Variants in TRAPPC9 observed in about 807,000 individuals in gnomAD.
The protein encoded by TRAPPC9 is trafficking protein particle complex subunit 9.
In TRAPPC9, 83 loss-of-function variants were observed where a neutral mutation model predicts 124.0. The observed-to-expected ratio is 0.67, with a 90% confidence interval of 0.56 to 0.80. The LOEUF (loss-of-function observed/expected upper bound fraction) is 0.80. TRAPPC9 is among the 30% of genes least tolerant of loss of function. The pLI, the probability that TRAPPC9 is intolerant of heterozygous loss-of-function variation, is 0.00. For synonymous variants in TRAPPC9, 638 were observed against 617.5 expected, an observed-to-expected ratio of 1.03 and a Z score of -0.49; for missense variants, 1,302 against 1,508.3, an observed-to-expected ratio of 0.86 and a Z score of 2.27.
chr8:140,111,327 A>G (rs1433057987), intron 17 of TRAPPC9, among the ~76,000 whole-genome samples: 5 of 152,152 alleles, frequency 3.3e-5, no homozygotes, highest in African/African-American at 1.2e-4. Context: ...CAAGACACCC[A>G]TCCAGACTCT....
chr8:140,351,768 T>C (rs2067586668), intron 9 of TRAPPC9, among the ~76,000 whole-genome samples: 1 of 152,198 alleles, frequency 6.6e-6, no homozygotes, highest in Admixed American at 6.5e-5. Context: ...GGGATGACTG[T>C]GCTTCCCATC....
chr8:140,143,791 T>C (rs1013269118), intron 17 of TRAPPC9, among the ~76,000 whole-genome samples: 1 of 152,246 alleles, frequency 6.6e-6, no homozygotes, highest in Non-Finnish European at 1.5e-5. Context: ...TCTGATTTTC[T>C]TCCACTGATT....
chr8:140,390,887 G>A (rs1052332437), intron 7 of TRAPPC9, among the ~76,000 whole-genome samples: 3 of 152,188 alleles, frequency 2.0e-5, no homozygotes, highest in East Asian at 3.9e-4. Context: ...TGAAAGCCAC[G>A]CACCCTGCTG....
intron 21 of TRAPPC9, among the ~76,000 whole-genome samples, chr8:139,765,810 G>A (rs1820548418): frequency 6.6e-6 from 1 of 152,160 alleles, no homozygotes; most frequent in African/African-American, 2.4e-5. Flanking sequence ...GTATAACCCA[G>A]GAGAGCTCTT....
intron 21 of TRAPPC9, among the ~76,000 whole-genome samples, chr8:139,883,387 C>T (rs1370448860): frequency 1.3e-5 from 2 of 152,210 alleles, no homozygotes; most frequent in Non-Finnish European, 2.9e-5. Flanking sequence ...TGAACTAGTA[C>T]AAAGAGGAAG....
intron 17 of TRAPPC9, among the ~76,000 whole-genome samples, chr8:140,119,771 TG>T (rs1563775392): frequency 6.6e-6 from 1 of 152,212 alleles, no homozygotes; most frequent in African/African-American, 2.4e-5. Context: ...CCTCATACCA[TG>T]GGGTCTCTCA....
intron 9 of TRAPPC9, among the ~76,000 whole-genome samples, chr8:140,350,021 C>A (rs1170730947): frequency 1.3e-5 from 2 of 152,186 alleles, no homozygotes; most frequent in African/African-American, 4.8e-5. Context: ...CTAAAAACGT[C>A]TTCACAATCA....
Position 140,430,019 on chromosome 8 carries a change from C to T in TRAPPC9, c.860-3378G>A, listed in dbSNP as rs189605362. Among the ~76,000 whole-genome samples the T allele has an allele frequency of 5.9e-4, 89 of 151,148 alleles. No homozygotes were observed. The East Asian group carries it at 0.016, about 27-fold the overall frequency. ...AAAATTAGCTGGGCGAGGTGGCAGG[C>T]GCCTGTAATCCCAGCTACTTGGGAG... On this transcript the variant is annotated intron_variant, in intron 4 of 22. Coordinates refer to ENST00000438773, the MANE Select transcript of TRAPPC9 (RefSeq NM_001160372.4).
chr8:139,753,633 CCT>C (rs144854480), intron 21 of TRAPPC9, among the ~76,000 whole-genome samples: 349 of 152,322 alleles, frequency 2.3e-3, no homozygotes, highest in African/African-American at 8.2e-3. Flanking sequence ...TCTATGCTCC[CCT>C]GAGGCCTTGA....
intron 21 of TRAPPC9, among the ~76,000 whole-genome samples, chr8:139,857,838 C>G (rs920902368): frequency 6.6e-6 from 1 of 152,246 alleles, no homozygotes; most frequent in Non-Finnish European, 1.5e-5. Flanking sequence ...GGTGGCCTGG[C>G]CAGGGACCCT....
intron 21 of TRAPPC9, among the ~76,000 whole-genome samples, chr8:139,795,022 C>T (rs1005332906): frequency 2.6e-5 from 4 of 152,216 alleles, no homozygotes; most frequent in Admixed American, 6.5e-5. Flanking sequence ...GCACTTACTA[C>T]GTCCCAGTTA....
In TRAPPC9 at chr8:140,379,236, G is replaced by A. The variant is rs111388824; in HGVS notation, c.1135-8056C>T. Among the ~76,000 whole-genome samples, 144 of 152,228 alleles carry A rather than the reference G, an allele frequency of 9.5e-4. 2 individuals are homozygous for A. The highest frequency in any genetic ancestry group is 3.4e-3 in the African/African-American group (140 of 41,552). On this transcript the variant is annotated intron_variant, in intron 7 of 22. Coordinates refer to ENST00000438773, the MANE Select transcript of TRAPPC9 (RefSeq NM_001160372.4). ...TGTCCGAGGCAGGCCTGGCACTCAC[G>A]TTGCTCTCCTTTCCCTAGTGGAGGT...
At chr8:140,254,772 A>G (rs2064207958) in intron 15 of TRAPPC9, among the ~76,000 whole-genome samples, 1 of 152,220 alleles carries the variant, frequency 6.6e-6, no homozygotes, top group Admixed American at 6.5e-5. Flanking sequence ...AGAGAGATGA[A>G]GTAACTTATC....
chr8:140,140,649 C>A (rs2061369337), intron 17 of TRAPPC9, among the ~76,000 whole-genome samples: 1 of 152,176 alleles, frequency 6.6e-6, no homozygotes, highest in Non-Finnish European at 1.5e-5. Flanking sequence ...TGCCTTTCTG[C>A]CTCCCAGATC....
At chr8:140,140,118 C>T (rs936475628) in intron 17 of TRAPPC9, among the ~76,000 whole-genome samples, 1 of 152,082 alleles carries the variant, frequency 6.6e-6, no homozygotes, top group African/African-American at 2.4e-5. Context: ...GGTGAGCACA[C>T]GCAGGGGCAG....
At chr8:140,160,143 A>G (rs989055492) in intron 17 of TRAPPC9, among the ~76,000 whole-genome samples, 2 of 152,230 alleles carry the variant, frequency 1.3e-5, no homozygotes, top group African/African-American at 4.8e-5. Flanking sequence ...AAGTCAGGAA[A>G]CAACAGATGC....
At chr8:140,160,346 C>T (rs748027809) in intron 17 of TRAPPC9, among the ~76,000 whole-genome samples, 2 of 152,160 alleles carry the variant, frequency 1.3e-5, no homozygotes, top group Non-Finnish European at 2.9e-5. Context: ...CACATGCACA[C>T]GTATGTTTAT....
chr8:140,179,789 G>T (rs1046347224), intron 17 of TRAPPC9, among the ~76,000 whole-genome samples: 1 of 152,014 alleles, frequency 6.6e-6, no homozygotes. Context: ...ACATGTTCTT[G>T]AAGAATTTAC....
At chr8:140,196,140 G>A (rs796973224) in intron 17 of TRAPPC9, among the ~76,000 whole-genome samples, 2,094 of 93,440 alleles carry the variant, frequency 0.022, no homozygotes, top group Non-Finnish European at 0.03. Context: ...GAAACACAAC[G>A]ATCCACCATA....
Sources: gnomAD v4.1 joint callset for allele counts (sites outside exome capture counted in the v4.1 genomes callset) on GRCh38, gnomAD v4.1.1 for gene constraint, MANE v1.5 for transcripts, NCBI Gene and HGNC (gene_info 2026-07-23, HGNC 2026-07-21) for gene names.